WIPF3: variants seen among roughly 807,000 people sequenced by gnomAD.
WIPF3 encodes WAS/WASL interacting protein family member 3, also known as WAS/WASL-interacting protein family member 3.
In WIPF3, 33 loss-of-function variants were observed where a neutral mutation model predicts 38.9. The ratio of observed to expected loss-of-function variants is 0.85; its 90% CI spans 0.64 to 1.14. The LOEUF is 1.14. Ranked by LOEUF, WIPF3 falls within the 50% of genes most tolerant of loss-of-function variation. The pLI is 0.00. For missense variants in WIPF3, 711 were observed against 652.5 expected, an observed-to-expected ratio of 1.09 and a Z score of -0.98; for synonymous variants, 324 against 269.3, an observed-to-expected ratio of 1.20 and a Z score of -1.99.
intron 1 of WIPF3, among the ~76,000 whole-genome samples, chr7:29,812,120 A>G (rs1784389000): frequency 6.6e-6 from 1 of 152,288 alleles, no homozygotes; most frequent in East Asian, 1.9e-4. Context: ...TTTATTACCT[A>G]CTTGGAAAAA....
chr7:29,910,238 A>G (rs1410645307), intron 8 of WIPF3, among the ~76,000 whole-genome samples: 1 of 152,188 alleles, frequency 6.6e-6, no homozygotes, highest in Non-Finnish European at 1.5e-5. Flanking sequence ...AAAAAGAAAT[A>G]GAAAATCTGA....
chr7:29,838,677 C>T (rs763370511), intron 2 of WIPF3, among the ~76,000 whole-genome samples: 6 of 152,068 alleles, frequency 3.9e-5, no homozygotes, highest in Non-Finnish European at 7.4e-5. Flanking sequence ...TTTGGAAAAC[C>T]GTTTGACAGC....
intron 4 of WIPF3, among the ~76,000 whole-genome samples, chr7:29,879,932 T>C (rs1432460744): frequency 6.6e-6 from 1 of 152,166 alleles, no homozygotes; most frequent in Non-Finnish European, 1.5e-5. Flanking sequence ...TACCACATTC[T>C]CTTAGCCAAA....
chr7:29,885,497 G>A (rs964630982), intron 5 of WIPF3, among the ~76,000 whole-genome samples: 1 of 152,210 alleles, frequency 6.6e-6, no homozygotes, highest in African/African-American at 2.4e-5. Flanking sequence ...ACGCAAGCTT[G>A]TTGCAGAGCT....
At position 29,884,187 on chromosome 7, in the gene WIPF3, C is replaced by T. The variant is rs1445229643; in HGVS notation, c.693C>T (p.Pro231=). ...CAPPPPPPPP[P]PTPPPLPPAS... is the part of the protein sequence containing the mutation. ...CACCACCTCCACCTCCGCCACCTCC[C>T]CCAACGCCACCCCCGCTGCCCCCGG... The change falls in exon 5 of 9, where the codon CCC becomes CCT. Residue 231 remains proline (P), a synonymous_variant. Coordinates refer to ENST00000242140, the MANE Select transcript of WIPF3 (RefSeq NM_001080529.3). 14 of 1,522,296 alleles carry T rather than the reference C, an allele frequency of 9.2e-6. No homozygotes were observed. Among genetic ancestry groups the T allele is most frequent in the Non-Finnish European group, 1.2e-5 (14 of 1,129,742 alleles). 94.3% of individuals were successfully genotyped at this position (1,522,296 alleles called of 1,614,324 possible).
intron 2 of WIPF3, among the ~76,000 whole-genome samples, chr7:29,869,803 G>T (rs1785464011): frequency 6.6e-6 from 1 of 152,166 alleles, no homozygotes; most frequent in South Asian, 2.1e-4. Context: ...TATATTGCCA[G>T]ATGTGCAGTT....
intron 4 of WIPF3, among the ~76,000 whole-genome samples, chr7:29,882,934 T>A (rs1204424470): frequency 6.6e-6 from 1 of 152,190 alleles, no homozygotes; most frequent in Non-Finnish European, 1.5e-5. Context: ...TAAGCAGTAA[T>A]TGCAGAACTT....
chr7:29,837,248 C>T (rs1009180569), intron 2 of WIPF3, among the ~76,000 whole-genome samples: 3 of 150,824 alleles, frequency 2.0e-5, no homozygotes, highest in Admixed American at 1.3e-4. Flanking sequence ...CCCAGCTACT[C>T]GGGAGGCTGA....
At chr7:29,821,150 T>C (rs1001987589) in intron 1 of WIPF3, among the ~76,000 whole-genome samples, 13 of 152,206 alleles carry the variant, frequency 8.5e-5, no homozygotes, top group African/African-American at 3.1e-4. Flanking sequence ...GCCACTTGCC[T>C]TCTTACTACA....
chr7:29,888,140 A>G lies in WIPF3; in HGVS notation c.1172A>G (p.Lys391Arg). ...ARSPTTELSSKSQQATAWTPT... is the reference protein window; with the variant it reads ...ARSPTTELSSRSQQATAWTPT... ...TCACCTACCACAGAGCTTTCAAGCA[A>G]GAGCCAGCAGGCCACAGCCTGGACC... The change falls in exon 6 of 9, where the codon AAG (lysine) becomes AGG (arginine). Residue 391 changes from lysine (K) to arginine (R), a missense_variant. Physicochemically the swap from Lys to Arg is conservative, Grantham distance 26. Coordinates refer to ENST00000242140, the MANE Select transcript of WIPF3 (RefSeq NM_001080529.3). 6.2e-7 allele frequency: 1 copy of G among 1,613,860 alleles called. No individual in the cohort carries two copies. Among genetic ancestry groups the G allele is most frequent in the Non-Finnish European group, 8.5e-7 (1 of 1,179,838 alleles).
intron 7 of WIPF3, among the ~76,000 whole-genome samples, chr7:29,896,075 G>A (rs1046667629): frequency 8.5e-5 from 13 of 152,148 alleles, no homozygotes; most frequent in African/African-American, 2.9e-4. Context: ...AGGGAATGGT[G>A]AGTGAGTACT....
rs201706623 is a variant in WIPF3, at chr7:29,879,060, C to A, written c.275C>A (p.Ala92Glu). The change falls in exon 4 of 9, where the codon GCG becomes GAG. Residue 92 changes from alanine (A) to glutamate (E), a missense_variant. Coordinates refer to ENST00000242140, the MANE Select transcript of WIPF3 (RefSeq NM_001080529.3). ...GGAGGTTCTGCAAACACACGAGGCGCGAGCACACCTCCCACCCTGGGAGAT... is the reference window on the plus strand; with the variant it reads ...GGAGGTTCTGCAAACACACGAGGCGAGAGCACACCTCCCACCCTGGGAGAT... ...EGGGSANTRG[A>E]STPPTLGDLF... The A allele has an allele frequency of 6.2e-7, 1 of 1,608,842 alleles. No homozygotes were observed. The highest frequency in any genetic ancestry group is 8.5e-7 in the Non-Finnish European group (1 of 1,177,376).
intron 2 of WIPF3, among the ~76,000 whole-genome samples, chr7:29,856,556 G>A (rs2128069742): frequency 6.6e-6 from 1 of 152,312 alleles, no homozygotes; most frequent in Non-Finnish European, 1.5e-5. Flanking sequence ...TTGAGCCCAG[G>A]ATTGCTTGAG....
At position 29,886,238 on chromosome 7, in the gene WIPF3, C is replaced by T. The variant is rs1043882950; in HGVS notation, c.1099+1645C>T. On this transcript the variant is annotated intron_variant, in intron 5 of 8. Coordinates refer to ENST00000242140, the MANE Select transcript of WIPF3 (RefSeq NM_001080529.3). ...TGATTACAAGAGGTAAGGTTTTAAT[C>T]ATTCTCTTTTCAATTGACTGGTCAC... Among the ~76,000 whole-genome samples the T allele has an allele frequency of 6.5e-4, 98 of 150,930 alleles. 2 individuals are homozygous for T. Among genetic ancestry groups the T allele is most frequent in the African/African-American group, 2.3e-3 (94 of 41,164 alleles).
chr7:29,851,149 G>C (rs545654674), intron 2 of WIPF3, among the ~76,000 whole-genome samples: 2 of 152,118 alleles, frequency 1.3e-5, no homozygotes, highest in African/African-American at 4.8e-5. Flanking sequence ...TGCCAGGCCC[G>C]ACCTTGCCGG....
At chr7:29,856,344 C>A (rs1785186841) in intron 2 of WIPF3, among the ~76,000 whole-genome samples, 1 of 152,120 alleles carries the variant, frequency 6.6e-6, no homozygotes, top group South Asian at 2.1e-4. Context: ...TAAAAATCTT[C>A]AGGCCAGGCA....
intron 2 of WIPF3, among the ~76,000 whole-genome samples, chr7:29,838,320 C>A (rs571686212): frequency 6.6e-6 from 1 of 152,238 alleles, no homozygotes; most frequent in East Asian, 1.9e-4. Context: ...TACAATTTGT[C>A]AGTAAAAAAT....
intron 2 of WIPF3, among the ~76,000 whole-genome samples, chr7:29,859,826 A>G (rs1050979553): frequency 1.3e-5 from 2 of 152,198 alleles, no homozygotes; most frequent in African/African-American, 4.8e-5. Context: ...GAAGGGAATA[A>G]TTAATTCTGA....
chr7:29,879,128 C>G lies in WIPF3; in HGVS notation c.343C>G (p.Arg115Gly), dbSNP rs769137726. The G allele has an allele frequency of 6.2e-7, 1 of 1,611,016 alleles. No homozygotes were observed. Among genetic ancestry groups the G allele is most frequent in the Non-Finnish European group, 8.5e-7 (1 of 1,178,472 alleles). The change falls in exon 4 of 9, where the codon CGG becomes GGG. Residue 115 changes from arginine (R) to glycine (G), a missense_variant. Transcript: ENST00000242140. ...GFPVLRPAGQ[R>G]DVAGGKTGQG... ...TCCTGTATTGCGACCAGCAGGCCAG[C>G]GGGATGTAGCAGGTAAGGAAGAATT...
Sources: gnomAD v4.1 joint callset for allele counts (sites outside exome capture counted in the v4.1 genomes callset) on GRCh38, gnomAD v4.1.1 for gene constraint, MANE v1.5 for transcripts, NCBI Gene and HGNC (gene_info 2026-07-23, HGNC 2026-07-21) for gene names.